ITGBL1: variants seen among roughly 807,000 people sequenced by gnomAD.
The protein encoded by ITGBL1 is integrin beta-like protein 1.
In ITGBL1, 51 loss-of-function variants were observed where a neutral mutation model predicts 68.5. The ratio of observed to expected loss-of-function variants is 0.74; its 90% CI spans 0.59 to 0.94. The LOEUF (loss-of-function observed/expected upper bound fraction) is 0.94. ITGBL1 is among the 40% of genes least tolerant of loss of function. The pLI, the probability that ITGBL1 is intolerant of heterozygous loss-of-function variation, is 0.00. For missense variants in ITGBL1, 649 were observed against 647.4 expected (o/e 1.00, Z -0.03); for synonymous variants, 209 against 227.3 (o/e 0.92, Z 0.72).
chr13:101,598,024 G>A, intron 6 of ITGBL1, 129 bp from the exon 7 acceptor site: 2 of 780,342 alleles, frequency 2.6e-6, no homozygotes, highest in Non-Finnish European at 3.9e-6. Context: ...ATGTGCGTTT[G>A]CCTTAATATG....
At chr13:101,552,183 C>A (rs985793396) in intron 2 of ITGBL1, among the ~76,000 whole-genome samples, 1 of 152,140 alleles carries the variant, frequency 6.6e-6, no homozygotes, top group Non-Finnish European at 1.5e-5. Flanking sequence ...TATGAGAGTT[C>A]TACTTGCTGA....
intron 7 of ITGBL1, among the ~76,000 whole-genome samples, chr13:101,629,850 T>C (rs2031915649): frequency 6.6e-6 from 1 of 152,040 alleles, no homozygotes; most frequent in Non-Finnish European, 1.5e-5. Context: ...TGAAATAGAG[T>C]CTTGTTCTGT....
intron 7 of ITGBL1, among the ~76,000 whole-genome samples, chr13:101,652,907 G>C (rs925445772): frequency 2.6e-5 from 4 of 152,036 alleles, no homozygotes; most frequent in African/African-American, 9.7e-5. Flanking sequence ...AGACCAGCCT[G>C]ACCAACATGG....
chr13:101,685,500 G>T (rs1364220645), intron 7 of ITGBL1, among the ~76,000 whole-genome samples: 3 of 151,952 alleles, frequency 2.0e-5, no homozygotes, highest in Admixed American at 1.3e-4. Flanking sequence ...TTATTATATT[G>T]TTTGTCTAAT....
chr13:101,630,902 A>G (rs2031956821), intron 7 of ITGBL1, among the ~76,000 whole-genome samples: 6 of 152,202 alleles, frequency 3.9e-5, no homozygotes. Flanking sequence ...ATCAGTAAAG[A>G]TAAAGACTTC....
chr13:101,569,900 C>T (rs984238433), intron 3 of ITGBL1, among the ~76,000 whole-genome samples: 15 of 152,122 alleles, frequency 9.9e-5, no homozygotes, highest in African/African-American at 3.6e-4. Context: ...CTGACTTACC[C>T]TCTTCACAAA....
At chr13:101,647,787 GA>G (rs1174611209) in intron 7 of ITGBL1, among the ~76,000 whole-genome samples, 1 of 152,108 alleles carries the variant, frequency 6.6e-6, no homozygotes, top group Non-Finnish European at 1.5e-5. Context: ...AAGGAGGTGC[GA>G]AAAAGGGAGC....
intron 7 of ITGBL1, among the ~76,000 whole-genome samples, chr13:101,642,717 A>T (rs1213014410): frequency 6.6e-6 from 1 of 151,436 alleles, no homozygotes; most frequent in Non-Finnish European, 1.5e-5. Context: ...TAAGTCTTTA[A>T]TCCATCTTGA....
intron 2 of ITGBL1, among the ~76,000 whole-genome samples, chr13:101,491,040 A>G (rs1402387526): frequency 5.3e-5 from 8 of 152,206 alleles, no homozygotes; most frequent in Admixed American, 4.6e-4. Flanking sequence ...AAAAGTTTAT[A>G]AAAATAGTTT....
intron 2 of ITGBL1, among the ~76,000 whole-genome samples, chr13:101,510,748 G>A (rs1382426449): frequency 6.6e-6 from 1 of 151,938 alleles, no homozygotes; most frequent in African/African-American, 2.4e-5. Context: ...ATGATGATTA[G>A]TGATGAGCAT....
Position 101,582,745 on chromosome 13 carries a change from T to C in ITGBL1, c.728-471T>C, listed in dbSNP as rs561928961. On this transcript the variant is annotated intron_variant, in intron 5 of 10. Transcript: ENST00000376180. ...CTCCTAGAACATTTCCTCTAATCCCTATATATCCAATCCATCCACTGCTAA... is the reference window on the plus strand; with the variant it reads ...CTCCTAGAACATTTCCTCTAATCCCCATATATCCAATCCATCCACTGCTAA... 7.4e-4 allele frequency among the ~76,000 whole-genome samples: 112 copies of C among 152,352 alleles called. 3 individuals are homozygous for C. The South Asian group carries it at 0.022, about 30-fold the overall frequency.
intron 9 of ITGBL1, among the ~76,000 whole-genome samples, chr13:101,708,022 T>G (rs2034300341): frequency 8.1e-6 from 1 of 123,900 alleles, no homozygotes; most frequent in East Asian, 2.3e-4. Flanking sequence ...CCTACACACA[T>G]GCAAACACAC....
intron 2 of ITGBL1, among the ~76,000 whole-genome samples, chr13:101,517,375 T>G (rs912975716): frequency 8.5e-5 from 13 of 152,292 alleles, no homozygotes; most frequent in African/African-American, 2.6e-4. Context: ...ATATAAAATT[T>G]AACTTAGAAT....
At chr13:101,558,911 A>ATGTGTGTG (rs57018896) in intron 2 of ITGBL1, among the ~76,000 whole-genome samples, 1 of 150,172 alleles carries the variant, frequency 6.7e-6, no homozygotes, top group Non-Finnish European at 1.5e-5. Flanking sequence ...TTGTGTGTGT[A>ATGTGTGTG]TGTGTGTGTG....
At chr13:101,685,592 A>G (rs947559217) in intron 7 of ITGBL1, among the ~76,000 whole-genome samples, 14 of 152,092 alleles carry the variant, frequency 9.2e-5, no homozygotes, top group Admixed American at 7.9e-4. Context: ...CCTGTTAACC[A>G]TAATGTTGGA....
intron 2 of ITGBL1, among the ~76,000 whole-genome samples, chr13:101,544,245 T>G (rs1230859221): frequency 6.6e-6 from 1 of 152,208 alleles, no homozygotes; most frequent in Non-Finnish European, 1.5e-5. Context: ...TGGATGTCCT[T>G]TCTGTTTGTT....
intron 2 of ITGBL1, among the ~76,000 whole-genome samples, chr13:101,546,684 A>T (rs1010942799): frequency 5.9e-5 from 9 of 152,138 alleles, no homozygotes; most frequent in African/African-American, 1.9e-4. Context: ...GAAACTGTAT[A>T]CATTAACTAT....
chr13:101,532,127 T>C (rs1369020147), intron 2 of ITGBL1, among the ~76,000 whole-genome samples: 1 of 152,220 alleles, frequency 6.6e-6, no homozygotes, highest in Non-Finnish European at 1.5e-5. Context: ...AGAACGAATT[T>C]TTTTCAAGTT....
rs535975434 is a variant in ITGBL1, at chr13:101,607,220, T to C, written c.1015+8921T>C. On this transcript the variant is annotated intron_variant, in intron 7 of 10. Transcript: ENST00000376180. ...AATGAGGTAGGAAGACGTATAATTA[T>C]TATTCTTTTTACAGAAGAAGAAATT... Among the ~76,000 whole-genome samples the C allele has an allele frequency of 5.9e-5, 9 of 152,186 alleles. No homozygotes were observed. In the East Asian group the frequency reaches 1.7e-3, roughly 29 times the overall value.
Sources: gnomAD v4.1 joint callset for allele counts (sites outside exome capture counted in the v4.1 genomes callset) on GRCh38, gnomAD v4.1.1 for gene constraint, MANE v1.5 for transcripts, NCBI Gene and HGNC (gene_info 2026-07-23, HGNC 2026-07-21) for gene names.